TUBGCP3: variants seen among roughly 807,000 people sequenced by gnomAD.
TUBGCP3 encodes the protein tubulin gamma complex component 3.
A neutral mutation model predicts 123.1 loss-of-function variants in TUBGCP3; 50 were observed. The ratio of observed to expected loss-of-function variants is 0.41; its 90% CI spans 0.32 to 0.51. The LOEUF (loss-of-function observed/expected upper bound fraction) is 0.51. Ranked by LOEUF, TUBGCP3 falls within the 20% of genes least tolerant of loss-of-function variation. The pLI, the probability that TUBGCP3 is intolerant of heterozygous loss-of-function variation, is 0.36. For missense variants in TUBGCP3, 882 were observed against 1,127.0 expected (o/e 0.78, Z 3.11); for synonymous variants, 405 against 413.9 (o/e 0.98, Z 0.26).
intron 16 of TUBGCP3, among the ~76,000 whole-genome samples, chr13:112,517,222 T>A (rs553015279): frequency 5.9e-5 from 9 of 152,156 alleles, no homozygotes; most frequent in Non-Finnish European, 1.2e-4. Flanking sequence ...TTTGCCATGT[T>A]AGCCAGGCTG....
At chr13:112,558,648 C>T (rs1880254008) in intron 4 of TUBGCP3, among the ~76,000 whole-genome samples, 1 of 152,206 alleles carries the variant, frequency 6.6e-6, no homozygotes, top group South Asian at 2.1e-4. Context: ...ACTAAACACT[C>T]ACTCTGATCC....
At chr13:112,505,783 T>C (rs1292628622) in intron 17 of TUBGCP3, among the ~76,000 whole-genome samples, 2 of 152,224 alleles carry the variant, frequency 1.3e-5, no homozygotes, top group Non-Finnish European at 2.9e-5. Flanking sequence ...GTATGAACGC[T>C]GTCTGAAGGC....
chr13:112,559,270 G>A lies in TUBGCP3; in HGVS notation c.330+52C>T, dbSNP rs369956192. The stretch of plus-strand genomic sequence containing the variant: ...GCTGCAGAAGCCGTTTCCTATCAAA[G>A]TCAGCCAGGGTGTCCCGACGGACAC... On this transcript the variant is annotated intron_variant, in intron 4 of 21. Transcript: ENST00000261965. 4.1e-4 allele frequency: 610 copies of A among 1,496,476 alleles called. 3 individuals carry two copies. The African/African-American group carries it at 7.7e-3, about 19-fold the overall frequency. 92.7% of individuals were successfully genotyped at this position (1,496,476 alleles called of 1,614,324 possible).
At chr13:112,604,780 G>A in the TUBGCP3 span, 8 of 152,288 alleles carry the variant, frequency 5.3e-5, no homozygotes, top group East Asian at 1.2e-3. Flanking sequence ...ATACACTTGT[G>A]ATTGCACTAC....
In TUBGCP3 at chr13:112,554,786, C is replaced by G. The variant is rs1456218212; in HGVS notation, c.840+101G>C. 9 of 802,190 alleles carry G rather than the reference C, an allele frequency of 1.1e-5. No homozygotes were observed. The East Asian group carries it at 2.1e-4, about 18-fold the overall frequency. The allele number at this position is 802,190 out of a possible 1,614,324, so 49.7% of individuals were successfully genotyped here. A position where few individuals can be genotyped will look rare whatever the true frequency, so the allele number is the denominator to read the frequency against. On this transcript the variant is annotated intron_variant, in intron 7 of 21. Transcript: ENST00000261965. ...GCAATTTCACCTCACAACCGATTCG[C>G]AAAACCCCAGTACCACCTTATCAAT...
intron 3 of TUBGCP3, among the ~76,000 whole-genome samples, chr13:112,564,851 GACT>G (rs1239633967): frequency 1.3e-5 from 2 of 152,136 alleles, no homozygotes; most frequent in Non-Finnish European, 2.9e-5. Flanking sequence ...GTAATTAAGC[GACT>G]ACAATAAAAA....
intron 1 of TUBGCP3, among the ~76,000 whole-genome samples, chr13:112,575,317 T>A (rs1464767442): frequency 6.6e-6 from 1 of 152,224 alleles, no homozygotes; most frequent in Non-Finnish European, 1.5e-5. Flanking sequence ...TACATTTCTA[T>A]CAGACAAAGT....
At position 112,519,017 on chromosome 13, in the gene TUBGCP3, A is replaced by G; in HGVS notation, c.1908T>C (p.Asp636=). The change falls in exon 16 of 22, where the codon GAT becomes GAC. Residue 636 remains aspartate, a synonymous_variant. Transcript: ENST00000261965. The surrounding 1 kb of genome is among the most constrained non-coding windows in gnomAD (Gnocchi z 6.2). ...LEVSPGDTGW[D]VFSLDYHVDG... is the part of the protein sequence containing the mutation. ...CAACATGATAATCGAGGCTGAAGAC[A>G]TCCCATCCAGTGTCACCTGGAGAGA... 6.2e-7 allele frequency: 1 copy of G among 1,614,104 alleles called. No homozygotes were observed.
chr13:112,522,082 T>A (rs1024014881), intron 14 of TUBGCP3, among the ~76,000 whole-genome samples: 16 of 152,330 alleles, frequency 1.1e-4, no homozygotes, highest in Middle Eastern at 3.4e-3. Context: ...TGGAAAGAAA[T>A]GCCAGTTTCT....
chr13:112,567,812 G>A (rs1001487048), intron 2 of TUBGCP3, among the ~76,000 whole-genome samples: 3 of 152,198 alleles, frequency 2.0e-5, no homozygotes, highest in Non-Finnish European at 2.9e-5. Context: ...CACAGACCAT[G>A]GGCCAAACAC....
upstream of TUBGCP3, chr13:112,588,176 C>T: frequency 2.3e-6 from 1 of 437,278 alleles, no homozygotes; most frequent in Non-Finnish European, 4.0e-6. Flanking sequence ...CAATGCCCCG[C>T]TTCTTCCCTG....
chr13:112,603,404 T>C, the TUBGCP3 span: 1 of 152,232 alleles, frequency 6.6e-6, no homozygotes, highest in Non-Finnish European at 1.5e-5. Context: ...TTTTTAAAAC[T>C]TAGAAGATAT....
At chr13:112,581,875 A>G (rs1882298395) in intron 1 of TUBGCP3, among the ~76,000 whole-genome samples, 1 of 151,754 alleles carries the variant, frequency 6.6e-6, no homozygotes, top group East Asian at 1.9e-4. Flanking sequence ...TGCCAGAAAC[A>G]CTCTCCTCTT....
chr13:112,521,579 G>C, intron 14 of TUBGCP3: 4 of 781,022 alleles, frequency 5.1e-6, no homozygotes, highest in Middle Eastern at 6.5e-4. Flanking sequence ...GAGGACCTGA[G>C]GCCTAAAACA....
Position 112,583,632 on chromosome 13 carries a change from G to A in TUBGCP3, c.76+4273C>T, listed in dbSNP as rs562650388. On this transcript the variant is annotated intron_variant, in intron 1 of 21. Coordinates refer to ENST00000261965, the MANE Select transcript of TUBGCP3 (RefSeq NM_006322.6). ...CTTCAAGATGCACAAAAATAAATTC[G>A]ACTCAAGTGAATACAGAAACTCCAC... is the stretch of plus-strand genomic sequence containing the variant. Among the ~76,000 whole-genome samples, 16 of 152,230 alleles carry A rather than the reference G, an allele frequency of 1.1e-4. No homozygotes were observed. In the South Asian group the frequency reaches 3.1e-3, roughly 30 times the overall value.
chr13:112,593,002 T>A (rs1469942413), upstream of TUBGCP3, among the ~76,000 whole-genome samples: 1 of 152,254 alleles, frequency 6.6e-6, no homozygotes. Flanking sequence ...GACGGGATGC[T>A]GCTAAGTTTT....
chr13:112,497,122 A>T (rs909206389), intron 20 of TUBGCP3, among the ~76,000 whole-genome samples: 2 of 152,238 alleles, frequency 1.3e-5, no homozygotes, highest in Non-Finnish European at 2.9e-5. Context: ...ATGCCTACTA[A>T]ATAAGCGTCA....
At chr13:112,560,381 G>A (rs1370547371) in intron 3 of TUBGCP3, among the ~76,000 whole-genome samples, 1 of 149,200 alleles carries the variant, frequency 6.7e-6, no homozygotes, top group Non-Finnish European at 1.5e-5. Context: ...AGTGAGCCGA[G>A]ATCCCGCCAC....
chr13:112,585,485 C>A (rs1882543548), intron 1 of TUBGCP3, among the ~76,000 whole-genome samples: 1 of 152,124 alleles, frequency 6.6e-6, no homozygotes, highest in African/African-American at 2.4e-5. Context: ...GAGGGCCGGG[C>A]GCAGTGGCTC....
Sources: allele counts gnomAD v4.1 joint callset (sites outside exome capture counted in the v4.1 genomes callset), GRCh38; gene constraint gnomAD v4.1.1; non-coding constraint Gnocchi (gnomAD v3.1); transcripts MANE v1.5; gene names NCBI Gene and HGNC (gene_info 2026-07-23, HGNC 2026-07-21).